The following LHFPL3 variants were observed in gnomAD, a reference collection of about 807,000 sequenced individuals.
The protein encoded by LHFPL3 is LHFPL tetraspan subfamily member 3 protein.
In LHFPL3, 5 loss-of-function variants were observed where a neutral mutation model predicts 19.3. The observed-to-expected ratio is 0.26, with a 90% CI of 0.14 to 0.54. The LOEUF (loss-of-function observed/expected upper bound fraction) is 0.54, where lower values mean the gene tolerates loss of function less well. Ranked by LOEUF, LHFPL3 falls within the 20% of genes least tolerant of loss-of-function variation. LHFPL3 has a pLI of 0.94. For missense variants in LHFPL3, 249 were observed against 307.4 expected (o/e 0.81, Z 1.42); for synonymous variants, 133 against 126.2 (o/e 1.05, Z -0.36).
At chr7:104,463,101 A>C (rs370592945) in intron 1 of LHFPL3, among the ~76,000 whole-genome samples, 1 of 152,094 alleles carries the variant, frequency 6.6e-6, no homozygotes, top group East Asian at 1.9e-4. Context: ...TCTTTGTCAT[A>C]ATTATGTTTA....
intron 1 of LHFPL3, among the ~76,000 whole-genome samples, chr7:104,518,083 G>A (rs1271372095): frequency 6.6e-6 from 1 of 152,064 alleles, no homozygotes; most frequent in Admixed American, 6.6e-5. Flanking sequence ...AGTAGTATTA[G>A]TCTAGGCTTA....
intron 1 of LHFPL3, among the ~76,000 whole-genome samples, chr7:104,530,869 G>C (rs1041301063): frequency 6.6e-6 from 1 of 152,126 alleles, no homozygotes; most frequent in Non-Finnish European, 1.5e-5. Context: ...TCATTTACTT[G>C]TCTGGTAATA....
chr7:104,417,767 A>G (rs1791650514), intron 1 of LHFPL3, among the ~76,000 whole-genome samples: 1 of 149,110 alleles, frequency 6.7e-6, no homozygotes, highest in Admixed American at 6.7e-5. Context: ...GCAGTAAAAT[A>G]CTTAACGGTG....
rs199900896 is a variant in LHFPL3, at chr7:104,908,527, T to A, written c.*2312T>A. On this transcript the variant is annotated 3_prime_UTR_variant, in exon 3 of 3. Coordinates refer to ENST00000424859, the MANE Select transcript of LHFPL3 (RefSeq NM_199000.3). Reference sequence around the variant, plus strand: ...GAATACCTGAATTTCTGTAAAAAAATAAAAATAAAAATAAGATTTTGTTAC... The same window carrying A: ...GAATACCTGAATTTCTGTAAAAAAAAAAAAATAAAAATAAGATTTTGTTAC... Among the ~76,000 whole-genome samples, 1 of 152,126 alleles carries A rather than the reference T, an allele frequency of 6.6e-6. No individual in the cohort carries two copies.
chr7:104,807,011 ATGTGTGTGTG>A (rs10665231), intron 2 of LHFPL3, among the ~76,000 whole-genome samples: 3,296 of 139,756 alleles, frequency 0.024, 76 homozygotes, highest in East Asian at 0.081. Context: ...CAAAATATAT[ATGTGTGTGTG>A]TGTGTGTGTG....
intron 2 of LHFPL3, among the ~76,000 whole-genome samples, chr7:104,863,517 T>C (rs566856250): frequency 6.6e-6 from 1 of 152,354 alleles, no homozygotes; most frequent in East Asian, 1.9e-4. Flanking sequence ...AACCCTGAGC[T>C]GCCTCAGGAC....
At chr7:104,652,457 T>C (rs1271214554) in intron 1 of LHFPL3, among the ~76,000 whole-genome samples, 1 of 152,232 alleles carries the variant, frequency 6.6e-6, no homozygotes, top group Non-Finnish European at 1.5e-5. Flanking sequence ...ATGCATGTGA[T>C]ATTTTGATAT....
At chr7:104,827,576 G>GTAT (rs911672927) in intron 2 of LHFPL3, among the ~76,000 whole-genome samples, 4 of 150,678 alleles carry the variant, frequency 2.7e-5, no homozygotes, top group Admixed American at 1.3e-4. Flanking sequence ...CACATGTTCA[G>GTAT]TATTTAAACA....
chr7:104,388,237 A>C (rs543433911), intron 1 of LHFPL3, among the ~76,000 whole-genome samples: 4 of 152,292 alleles, frequency 2.6e-5, no homozygotes, highest in African/African-American at 9.6e-5. Flanking sequence ...GAATAGTGCT[A>C]CAGTGAGCAT....
intron 1 of LHFPL3, among the ~76,000 whole-genome samples, chr7:104,403,667 C>T (rs182787677): frequency 6.6e-6 from 1 of 152,026 alleles, no homozygotes. Context: ...ACAAAAAGAA[C>T]TTCCAGGATC....
intron 2 of LHFPL3, among the ~76,000 whole-genome samples, chr7:104,783,972 C>T (rs1789866020): frequency 6.6e-6 from 1 of 152,188 alleles, no homozygotes; most frequent in Non-Finnish European, 1.5e-5. Flanking sequence ...ATTAATTCTG[C>T]ACAATAACAG....
At chr7:104,852,944 T>G (rs1267826378) in intron 2 of LHFPL3, among the ~76,000 whole-genome samples, 1 of 152,056 alleles carries the variant, frequency 6.6e-6, no homozygotes, top group Non-Finnish European at 1.5e-5. Context: ...ACCAGCCTGC[T>G]TTCCCTGTGC....
intron 2 of LHFPL3, among the ~76,000 whole-genome samples, chr7:104,854,991 T>C (rs1360488821): frequency 1.3e-5 from 2 of 151,758 alleles, no homozygotes; most frequent in Non-Finnish European, 2.9e-5. Flanking sequence ...GTAAGCTCTT[T>C]AGTCTGGCGT....
chr7:104,357,529 A>T (rs1319848751), intron 1 of LHFPL3, among the ~76,000 whole-genome samples: 1 of 152,174 alleles, frequency 6.6e-6, no homozygotes, highest in Non-Finnish European at 1.5e-5. Flanking sequence ...AAATCAGCAT[A>T]TTATGTATTT....
intron 1 of LHFPL3, among the ~76,000 whole-genome samples, chr7:104,652,225 T>C (rs73713024): frequency 0.016 from 2,438 of 151,914 alleles, 66 homozygotes; most frequent in African/African-American, 0.056. Flanking sequence ...CAGTGGGCAG[T>C]GTTAATTGAA....
chr7:104,857,172 C>T (rs945138300), intron 2 of LHFPL3, among the ~76,000 whole-genome samples: 11 of 152,136 alleles, frequency 7.2e-5, no homozygotes, highest in African/African-American at 2.7e-4. Context: ...GACTAGTAGG[C>T]GATGCAGCAA....
At chr7:104,718,889 T>C (rs1044141280) in intron 1 of LHFPL3, among the ~76,000 whole-genome samples, 1 of 152,192 alleles carries the variant, frequency 6.6e-6, no homozygotes, top group Admixed American at 6.5e-5. Context: ...TGTGTTACCT[T>C]GCTTTGGGTG....
At chr7:104,770,746 C>A (rs1794536161) in intron 2 of LHFPL3, among the ~76,000 whole-genome samples, 1 of 152,202 alleles carries the variant, frequency 6.6e-6, no homozygotes, top group Admixed American at 6.5e-5. Flanking sequence ...CAGGCAGCCA[C>A]TACCAAGTCA....
chr7:104,744,972 TTAAG>T (rs10601336), intron 2 of LHFPL3, among the ~76,000 whole-genome samples: 45,607 of 151,794 alleles, frequency 0.3, 7,501 homozygotes, highest in East Asian at 0.67. Context: ...TCTCCCAAGT[TTAAG>T]TAAGCCTCCT....
Sources: allele counts gnomAD v4.1 joint callset (sites outside exome capture counted in the v4.1 genomes callset), GRCh38; gene constraint gnomAD v4.1.1; transcripts MANE v1.5; gene names NCBI Gene and HGNC (gene_info 2026-07-23, HGNC 2026-07-21).